The following DPP10 variants were observed in gnomAD, a reference collection of about 807,000 sequenced individuals.
The protein encoded by DPP10 is dipeptidyl peptidase like 10, also known as inactive dipeptidyl peptidase 10.
In DPP10, 33 loss-of-function variants were observed where a neutral mutation model predicts 120.9. The ratio of observed to expected loss-of-function variants is 0.27; its 90% CI spans 0.21 to 0.37. DPP10 has a LOEUF of 0.37. Ranked by LOEUF, DPP10 falls within the 10% of genes least tolerant of loss-of-function variation. The pLI is 1.00. For missense variants in DPP10, 816 were observed against 942.8 expected (o/e 0.87, Z 1.76); for synonymous variants, 337 against 326.1 (o/e 1.03, Z -0.36).
intron 1 of DPP10, among the ~76,000 whole-genome samples, chr2:114,735,381 T>G (rs532434366): frequency 7.2e-4 from 110 of 152,256 alleles, no homozygotes; most frequent in African/African-American, 2.6e-3. Flanking sequence ...TCTGTTGGGG[T>G]AGCCCTATTT....
chr2:115,109,468 G>A (rs1341673865), intron 1 of DPP10, among the ~76,000 whole-genome samples: 7 of 151,856 alleles, frequency 4.6e-5, no homozygotes, highest in South Asian at 4.2e-4. Context: ...ACAAGGAGGC[G>A]GAGGTTGCAG....
At chr2:114,802,142 A>G (rs1684306968) in intron 1 of DPP10, among the ~76,000 whole-genome samples, 1 of 152,216 alleles carries the variant, frequency 6.6e-6, no homozygotes, top group South Asian at 2.1e-4. Flanking sequence ...TTCAACAAGA[A>G]GTAAAAGAAT....
intron 21 of DPP10, among the ~76,000 whole-genome samples, chr2:115,828,264 T>C (rs1312074183): frequency 1.3e-5 from 2 of 152,150 alleles, no homozygotes; most frequent in Admixed American, 6.5e-5. Context: ...TTCCTCTGTA[T>C]ACAACGCATC....
chr2:115,211,751 A>G (rs953700677), intron 1 of DPP10, among the ~76,000 whole-genome samples: 1 of 152,146 alleles, frequency 6.6e-6, no homozygotes, highest in African/African-American at 2.4e-5. Context: ...TATTGTTTCA[A>G]ATCTCTTTAA....
chr2:114,538,954 C>T (rs1052203647), intron 1 of DPP10, among the ~76,000 whole-genome samples: 1 of 152,090 alleles, frequency 6.6e-6, no homozygotes, highest in Non-Finnish European at 1.5e-5. Context: ...ACATACCCAT[C>T]CAACTGCCAA....
At chr2:115,830,496 G>A (rs540706622) in intron 21 of DPP10, among the ~76,000 whole-genome samples, 1 of 151,992 alleles carries the variant, frequency 6.6e-6, no homozygotes, top group African/African-American at 2.4e-5. Flanking sequence ...ATTATTGAAT[G>A]TACACTATGT....
intron 1 of DPP10, among the ~76,000 whole-genome samples, chr2:115,079,461 A>G (rs573771039): frequency 2.0e-5 from 3 of 152,292 alleles, no homozygotes; most frequent in Non-Finnish European, 1.5e-5. Context: ...CCTGCTATGC[A>G]TGGGAACGTT....
intron 5 of DPP10, among the ~76,000 whole-genome samples, chr2:115,641,630 A>G (rs764327133): frequency 2.0e-5 from 3 of 152,142 alleles, no homozygotes; most frequent in East Asian, 1.9e-4. Context: ...GTTTTCTGCT[A>G]TTATACCGAA....
chr2:114,878,828 C>T (rs1691368675), intron 1 of DPP10, among the ~76,000 whole-genome samples: 1 of 152,098 alleles, frequency 6.6e-6, no homozygotes, highest in African/African-American at 2.4e-5. Flanking sequence ...TTTATCCATT[C>T]ATCTGTTGAT....
intron 1 of DPP10, among the ~76,000 whole-genome samples, chr2:114,907,711 A>G (rs1028602150): frequency 6.6e-5 from 10 of 152,242 alleles, no homozygotes; most frequent in South Asian, 4.1e-4. Flanking sequence ...ATGACAGCAC[A>G]TATGTTCTAT....
chr2:114,669,580 C>T (rs1325343595), intron 1 of DPP10, among the ~76,000 whole-genome samples: 1 of 152,074 alleles, frequency 6.6e-6, no homozygotes, highest in African/African-American at 2.4e-5. Flanking sequence ...TAGCAATTTT[C>T]ATGTAAATAA....
chr2:114,649,755 T>C (rs1696435994), intron 1 of DPP10, among the ~76,000 whole-genome samples: 1 of 152,182 alleles, frequency 6.6e-6, no homozygotes, highest in Non-Finnish European at 1.5e-5. Context: ...GGATCAAACT[T>C]TTATTTTCCC....
chr2:114,894,232 A>G (rs563207766), intron 1 of DPP10, among the ~76,000 whole-genome samples: 2 of 152,342 alleles, frequency 1.3e-5, no homozygotes, highest in African/African-American at 4.8e-5. Context: ...ATAGTAATTT[A>G]CACAATACAA....
At chr2:114,771,786 C>T (rs1681277212) in intron 1 of DPP10, among the ~76,000 whole-genome samples, 1 of 152,106 alleles carries the variant, frequency 6.6e-6, no homozygotes, top group Admixed American at 6.6e-5. Flanking sequence ...TGATTTGAGG[C>T]TAAGAAAATA....
chr2:115,367,859 G>A (rs2065169044), intron 3 of DPP10, among the ~76,000 whole-genome samples: 2 of 62,340 alleles, frequency 3.2e-5, no homozygotes, highest in African/African-American at 8.7e-5. Flanking sequence ...ATTTGATGGA[G>A]ATGCAAAAGG....
At chr2:114,605,526 C>T (rs764779573) in intron 1 of DPP10, among the ~76,000 whole-genome samples, 30 of 152,200 alleles carry the variant, frequency 2.0e-4, no homozygotes, top group Admixed American at 7.9e-4. Context: ...ATACATATAA[C>T]GCACAAATAT....
At chr2:115,585,741 T>G (rs1281073181) in intron 5 of DPP10, among the ~76,000 whole-genome samples, 1 of 152,156 alleles carries the variant, frequency 6.6e-6, no homozygotes, top group Non-Finnish European at 1.5e-5. Context: ...ATATTTCTAG[T>G]TTAGTGATTT....
intron 1 of DPP10, among the ~76,000 whole-genome samples, chr2:114,519,886 G>A (rs918524640): frequency 6.6e-6 from 1 of 152,174 alleles, no homozygotes; most frequent in African/African-American, 2.4e-5. Flanking sequence ...ATTCACCTGT[G>A]GGATTTACAT....
At chr2:115,296,614 G>A (rs113580869) in intron 1 of DPP10, among the ~76,000 whole-genome samples, 8 of 152,062 alleles carry the variant, frequency 5.3e-5, no homozygotes, top group Admixed American at 3.9e-4. Flanking sequence ...GATCTTTAGC[G>A]TTTCTAACAA....
Sources: gnomAD v4.1 joint callset for allele counts (sites outside exome capture counted in the v4.1 genomes callset) on GRCh38, gnomAD v4.1.1 for gene constraint, MANE v1.5 for transcripts, NCBI Gene and HGNC (gene_info 2026-07-23, HGNC 2026-07-21) for gene names.